The following DLGAP2 variants were observed in gnomAD, a reference collection of about 807,000 sequenced individuals.
DLGAP2 encodes disks large-associated protein 2.
Under a neutral mutation model 100.3 loss-of-function variants are expected in DLGAP2, and 26 were observed. The ratio of observed to expected loss-of-function variants is 0.26; its 90% CI spans 0.19 to 0.36. The LOEUF (loss-of-function observed/expected upper bound fraction) is 0.36, where lower values mean the gene tolerates loss of function less well. Among genes scored for constraint, DLGAP2 ranks in the 10% least tolerant of loss-of-function variants. DLGAP2 has a pLI of 1.00. For synonymous variants in DLGAP2, 886 were observed against 630.1 expected (o/e 1.41, Z -6.08); for missense variants, 1,858 against 1,453.2 (o/e 1.28, Z -4.53).
intron 2 of DLGAP2, among the ~76,000 whole-genome samples, chr8:1,050,091 CACAT>C (rs1211076884): frequency 2.6e-5 from 4 of 152,256 alleles, no homozygotes; most frequent in South Asian, 2.1e-4. Context: ...GGCAGTCACA[CACAT>C]ACATATGTGT....
At chr8:1,428,499 T>A (rs1177417319) in intron 3 of DLGAP2, among the ~76,000 whole-genome samples, 1 of 152,174 alleles carries the variant, frequency 6.6e-6, no homozygotes, top group Non-Finnish European at 1.5e-5. Context: ...ATGAGAATGA[T>A]ATATTCTTGG....
chr8:846,340 C>T (rs1178888484), intron 1 of DLGAP2, among the ~76,000 whole-genome samples: 1 of 152,212 alleles, frequency 6.6e-6, no homozygotes, highest in Non-Finnish European at 1.5e-5. Context: ...CTCTCTACTT[C>T]TGTGAGATTG....
At chr8:1,695,136 G>T (rs2130882307) in intron 13 of DLGAP2, among the ~76,000 whole-genome samples, 1 of 152,314 alleles carries the variant, frequency 6.6e-6, no homozygotes, top group African/African-American at 2.4e-5. Flanking sequence ...ATGTGACCAG[G>T]ACCACCCAGC....
chr8:1,060,719 C>T (rs375461903), intron 2 of DLGAP2, among the ~76,000 whole-genome samples: 1 of 152,232 alleles, frequency 6.6e-6, no homozygotes, highest in South Asian at 2.1e-4. Context: ...GGTGTCCTCA[C>T]TGAATGACTG....
chr8:1,022,606 A>C (rs1455434361), intron 2 of DLGAP2, among the ~76,000 whole-genome samples: 4 of 112,154 alleles, frequency 3.6e-5, no homozygotes, highest in Non-Finnish European at 7.0e-5. Flanking sequence ...GGGAGTGGAC[A>C]CTCCCGTGCT....
chr8:777,048 T>G (rs1389844574), intron 1 of DLGAP2, among the ~76,000 whole-genome samples: 3 of 152,052 alleles, frequency 2.0e-5, no homozygotes, highest in Non-Finnish European at 2.9e-5. Context: ...ATTGGGTGCA[T>G]ATATATTTAG....
chr8:1,041,406 G>T (rs540219961), intron 2 of DLGAP2, among the ~76,000 whole-genome samples: 1 of 152,202 alleles, frequency 6.6e-6, no homozygotes. Flanking sequence ...AGAGGCACTC[G>T]GGAGGAGACA....
At chr8:1,022,690 AGCAC>A (rs1801662811) in intron 2 of DLGAP2, among the ~76,000 whole-genome samples, 1 of 145,682 alleles carries the variant, frequency 6.9e-6, no homozygotes, top group Non-Finnish European at 1.5e-5. Context: ...CGCTCCAAAC[AGCAC>A]CCACCCTCCC....
intron 12 of DLGAP2, among the ~76,000 whole-genome samples, chr8:1,683,952 G>GTTTATATATATATA (rs1171271402): frequency 9.8e-5 from 2 of 20,344 alleles, no homozygotes; most frequent in Non-Finnish European, 1.6e-4. Flanking sequence ...ATATATATGT[G>GTTTATATATATATA]TGTATATATA....
rs191355171 is a variant in DLGAP2 at position 1,506,459 on chromosome 8, C to A, written c.172+5028C>A. On this transcript the variant is annotated intron_variant, in intron 4 of 14. Transcript: ENST00000637795. ...TTCTTCCTTCTGGTCGGTTTGTGGT[C>A]TCAATGGCCTCAGGAGTGAAGCTGC... Among the ~76,000 whole-genome samples, 5 of 152,152 alleles carry A rather than the reference C, an allele frequency of 3.3e-5. No homozygotes were observed. The East Asian group carries it at 9.6e-4, about 29-fold the overall frequency.
At chr8:1,037,069 A>T (rs1417874162) in intron 2 of DLGAP2, among the ~76,000 whole-genome samples, 1 of 152,126 alleles carries the variant, frequency 6.6e-6, no homozygotes, top group Non-Finnish European at 1.5e-5. Flanking sequence ...CATGGCGGAC[A>T]GGCATGCTGT....
At chr8:1,246,427 G>A (rs1292528691) in intron 2 of DLGAP2, among the ~76,000 whole-genome samples, 1 of 152,220 alleles carries the variant, frequency 6.6e-6, no homozygotes, top group Non-Finnish European at 1.5e-5. Context: ...ATCCGCGGCT[G>A]CTGAGAGCAC....
At chr8:1,212,734 T>C (rs1442946308) in intron 2 of DLGAP2, among the ~76,000 whole-genome samples, 4 of 151,510 alleles carry the variant, frequency 2.6e-5, no homozygotes, top group Admixed American at 1.3e-4. Flanking sequence ...CCAGTACCTT[T>C]TTGCCAAGAC....
chr8:1,487,708 G>A (rs989326511), intron 3 of DLGAP2, among the ~76,000 whole-genome samples: 8 of 152,158 alleles, frequency 5.3e-5, no homozygotes, highest in East Asian at 1.9e-4. Flanking sequence ...CTATGAGCCC[G>A]CAGGCCAGGT....
At chr8:821,948 C>G (rs1025506764) in intron 1 of DLGAP2, 7 of 391,824 alleles carry the variant, frequency 1.8e-5, no homozygotes, top group Non-Finnish European at 3.1e-5. Flanking sequence ...TCTGTGCCTA[C>G]TTCTTCTTGC....
intron 1 of DLGAP2, among the ~76,000 whole-genome samples, chr8:752,328 A>G (rs1036968993): frequency 6.6e-6 from 1 of 152,180 alleles, no homozygotes; most frequent in Non-Finnish European, 1.5e-5. Context: ...ACGTTGCTCA[A>G]TGCTCATGCC....
chr8:1,506,228 G>A (rs1799907880), intron 4 of DLGAP2, among the ~76,000 whole-genome samples: 1 of 152,048 alleles, frequency 6.6e-6, no homozygotes, highest in Non-Finnish European at 1.5e-5. Context: ...TTATTTTTGT[G>A]TGTTCTTTCA....
chr8:1,473,265 C>G (rs1182300050), intron 3 of DLGAP2, among the ~76,000 whole-genome samples: 2 of 152,158 alleles, frequency 1.3e-5, no homozygotes, highest in Non-Finnish European at 2.9e-5. Flanking sequence ...TCATAATCAC[C>G]AAAAACCTGT....
intron 3 of DLGAP2, among the ~76,000 whole-genome samples, chr8:1,431,239 A>G (rs560755542): frequency 3.3e-4 from 50 of 152,372 alleles, no homozygotes; most frequent in African/African-American, 1.2e-3. Flanking sequence ...AATCTGACAC[A>G]TCATTAGAAT....
Sources: allele counts gnomAD v4.1 joint callset (sites outside exome capture counted in the v4.1 genomes callset), GRCh38; gene constraint gnomAD v4.1.1; transcripts MANE v1.5; gene names NCBI Gene and HGNC (gene_info 2026-07-23, HGNC 2026-07-21).